The following CEP128 variants were observed in gnomAD, a reference collection of about 807,000 sequenced individuals.
The protein encoded by CEP128 is centrosomal protein 128.
A neutral mutation model predicts 156.7 loss-of-function variants in CEP128; 132 were observed. The ratio of observed to expected loss-of-function variants is 0.84; its 90% CI spans 0.73 to 0.97. The LOEUF (loss-of-function observed/expected upper bound fraction) is 0.97, where lower values mean the gene tolerates loss of function less well. Among genes scored for constraint, CEP128 ranks in the 50% least tolerant of loss-of-function variants. CEP128 has a pLI of 0.00. For missense variants in CEP128, 1,252 were observed against 1,281.9 expected (o/e 0.98, Z 0.36); for synonymous variants, 469 against 448.9 (o/e 1.04, Z -0.57).
At chr14:80,619,363 CACAG>C (rs1370068609) in intron 19 of CEP128, among the ~76,000 whole-genome samples, 8 of 115,092 alleles carry the variant, frequency 7.0e-5, no homozygotes, top group African/African-American at 1.9e-4. Flanking sequence ...TTTAAAGACA[CACAG>C]ACACACACAC....
intron 2 of CEP128, among the ~76,000 whole-genome samples, chr14:80,916,777 T>C (rs1157234149): frequency 6.6e-6 from 1 of 152,220 alleles, no homozygotes; most frequent in Non-Finnish European, 1.5e-5. Flanking sequence ...GAGCGATTCC[T>C]CAGATATGAT....
At chr14:80,486,852 G>T (rs1887177495), downstream of CEP128, among the ~76,000 whole-genome samples, 1 of 152,100 alleles carries the variant, frequency 6.6e-6, no homozygotes, top group Non-Finnish European at 1.5e-5. Flanking sequence ...CACCAGGCCT[G>T]CCCTAAATAG....
At chr14:80,907,272 GA>G (rs144084629) in intron 4 of CEP128, among the ~76,000 whole-genome samples, 1 of 147,460 alleles carries the variant, frequency 6.8e-6, no homozygotes, top group South Asian at 2.1e-4. Flanking sequence ...ATTTCCGAAA[GA>G]AAAAAAAAAG....
At chr14:80,479,473 C>T (rs1231336081) in intron 14 of CEP128, among the ~76,000 whole-genome samples, 1 of 152,042 alleles carries the variant, frequency 6.6e-6, no homozygotes, top group African/African-American at 2.4e-5. Context: ...TAAGAAGAAG[C>T]AAAAGCGGAA....
chr14:80,550,705 C>T (rs1394345516), intron 21 of CEP128, among the ~76,000 whole-genome samples: 1 of 150,074 alleles, frequency 6.7e-6, no homozygotes, highest in Non-Finnish European at 1.5e-5. Flanking sequence ...TTTAAAATTC[C>T]CTGTGATCAT....
intron 23 of CEP128, among the ~76,000 whole-genome samples, chr14:80,521,728 ATTT>A (rs1051139240): frequency 6.6e-6 from 1 of 152,194 alleles, no homozygotes; most frequent in Non-Finnish European, 1.5e-5. Context: ...CTAGAAAATG[ATTT>A]TTTAAGAAGT....
chr14:80,560,207 C>A (rs1284766426), intron 20 of CEP128, among the ~76,000 whole-genome samples: 8 of 152,148 alleles, frequency 5.3e-5, no homozygotes, highest in Non-Finnish European at 1.5e-5. Flanking sequence ...GGACAGATCA[C>A]ATGAGGCCAG....
At chr14:80,671,534 A>G (rs1895840693) in intron 19 of CEP128, among the ~76,000 whole-genome samples, 2 of 152,206 alleles carry the variant, frequency 1.3e-5, no homozygotes, top group African/African-American at 4.8e-5. Flanking sequence ...ATCACATAAC[A>G]TAAACTCATA....
chr14:80,764,710 C>T (rs752874221), intron 16 of CEP128, among the ~76,000 whole-genome samples: 1 of 152,056 alleles, frequency 6.6e-6, no homozygotes, highest in Non-Finnish European at 1.5e-5. Context: ...GTCATCCAAC[C>T]ACTAAATGAA....
chr14:80,912,364 T>G (rs1884287344), intron 4 of CEP128, among the ~76,000 whole-genome samples: 1 of 152,194 alleles, frequency 6.6e-6, no homozygotes, highest in Non-Finnish European at 1.5e-5. Context: ...TACCTCAAAT[T>G]GGGTATACAT....
At chr14:80,838,177 A>G in intron 11 of CEP128, 27 bp downstream of exon 11, 1 of 1,490,204 alleles carries the variant, frequency 6.7e-7, no homozygotes, top group Non-Finnish European at 9.3e-7. Context: ...ATGTAAAAGT[A>G]TATTATAATA....
intron 19 of CEP128, among the ~76,000 whole-genome samples, chr14:80,644,008 G>GA (rs1894532841): frequency 2.6e-5 from 4 of 152,182 alleles, no homozygotes. Flanking sequence ...TGAGAAAAGA[G>GA]AGAGATTTAG....
intron 13 of CEP128, among the ~76,000 whole-genome samples, chr14:80,802,998 G>A (rs559367550): frequency 1.4e-4 from 21 of 152,196 alleles, no homozygotes; most frequent in Non-Finnish European, 1.5e-5. Context: ...GACTGAAAAA[G>A]GAAAGAACGC....
chr14:80,540,166 T>C (rs1019782692), intron 21 of CEP128, among the ~76,000 whole-genome samples: 2 of 151,312 alleles, frequency 1.3e-5, no homozygotes, highest in African/African-American at 2.4e-5. Flanking sequence ...CTTTGAAGCA[T>C]GTGATCTTTG....
At chr14:80,609,128 T>C (rs1892899179) in intron 19 of CEP128, among the ~76,000 whole-genome samples, 1 of 152,228 alleles carries the variant, frequency 6.6e-6, no homozygotes, top group African/African-American at 2.4e-5. Context: ...ATTTCTACAG[T>C]AGAGCTTTCA....
chr14:80,626,372 G>A (rs1026180055), intron 19 of CEP128, among the ~76,000 whole-genome samples: 1 of 150,856 alleles, frequency 6.6e-6, no homozygotes, highest in Non-Finnish European at 1.5e-5. Context: ...GCTGAGGCAG[G>A]AGAATGGCGT....
At chr14:80,781,055 T>A (rs537235270) in intron 15 of CEP128, among the ~76,000 whole-genome samples, 7 of 152,328 alleles carry the variant, frequency 4.6e-5, no homozygotes, top group African/African-American at 1.7e-4. Context: ...CTTAAAGGAT[T>A]TGGCAGAATT....
At chr14:80,846,493 G>A (rs1886609082) in intron 9 of CEP128, among the ~76,000 whole-genome samples, 1 of 152,048 alleles carries the variant, frequency 6.6e-6, no homozygotes, top group Admixed American at 6.6e-5. Flanking sequence ...CGGTTAGTAG[G>A]ATGGTAAGAT....
intron 19 of CEP128, among the ~76,000 whole-genome samples, chr14:80,628,793 T>C (rs1180413244): frequency 6.6e-6 from 1 of 152,012 alleles, no homozygotes; most frequent in Non-Finnish European, 1.5e-5. Context: ...AAGTAAGCTC[T>C]TGCTAGCTAA....
Sources: gnomAD v4.1 joint callset for allele counts (sites outside exome capture counted in the v4.1 genomes callset) on GRCh38, gnomAD v4.1.1 for gene constraint, MANE v1.5 for transcripts, NCBI Gene and HGNC (gene_info 2026-07-23, HGNC 2026-07-21) for gene names.